EIF4G3: variants seen among roughly 807,000 people sequenced by gnomAD.
EIF4G3 encodes the protein eukaryotic translation initiation factor 4 gamma 3, also known as eIF-4-gamma 3.
EIF4G3 carries 34 observed loss-of-function variants against 186.4 expected under a neutral mutation model. That is an observed-to-expected ratio of 0.18 (90% confidence interval 0.14 to 0.24). EIF4G3 has a LOEUF of 0.24. Among genes scored for constraint, EIF4G3 ranks in the 10% least tolerant of loss-of-function variants. The pLI, the probability that EIF4G3 is intolerant of heterozygous loss-of-function variation, is 1.00. For missense variants in EIF4G3, 1,536 were observed against 1,948.5 expected (o/e 0.79, Z 3.99); for synonymous variants, 673 against 679.5 (o/e 0.99, Z 0.15).
chr1:20,913,686 CTTG>C (rs1199905513), intron 14 of EIF4G3, among the ~76,000 whole-genome samples: 3 of 149,812 alleles, frequency 2.0e-5, no homozygotes, highest in Admixed American at 1.3e-4. Context: ...TCCCTGTTTT[CTTG>C]TTATTTGTTA....
intron 4 of EIF4G3, among the ~76,000 whole-genome samples, chr1:21,035,445 C>G (rs2093108316): frequency 6.6e-6 from 1 of 152,186 alleles, no homozygotes; most frequent in Non-Finnish European, 1.5e-5. Flanking sequence ...CTGGGAGAGC[C>G]CCTGTCACCA....
At chr1:21,097,248 G>A (rs1229337658) in intron 2 of EIF4G3, among the ~76,000 whole-genome samples, 1 of 151,974 alleles carries the variant, frequency 6.6e-6, no homozygotes, top group Admixed American at 6.6e-5. Context: ...TCTTTTCATC[G>A]AAAAAAGGTG....
At chr1:20,984,532 C>T (rs185533322) in intron 7 of EIF4G3, among the ~76,000 whole-genome samples, 1 of 150,598 alleles carries the variant, frequency 6.6e-6, no homozygotes, top group East Asian at 2.0e-4. Flanking sequence ...TTGTAAAGCA[C>T]CAACCTAAGC....
intron 7 of EIF4G3, among the ~76,000 whole-genome samples, chr1:20,993,799 A>C (rs2154568147): frequency 6.6e-6 from 1 of 152,336 alleles, no homozygotes; most frequent in African/African-American, 2.4e-5. Context: ...TGTAAAACCC[A>C]AAATATCCCA....
At chr1:20,996,805 A>G (rs1259554599) in intron 7 of EIF4G3, among the ~76,000 whole-genome samples, 1 of 152,202 alleles carries the variant, frequency 6.6e-6, no homozygotes, top group African/African-American at 2.4e-5. Flanking sequence ...AGCTGGTTAC[A>G]TAGTAAAGCT....
intron 2 of EIF4G3, among the ~76,000 whole-genome samples, chr1:21,173,834 C>A (rs1370530702): frequency 6.6e-6 from 1 of 152,180 alleles, no homozygotes; most frequent in Admixed American, 6.5e-5. Flanking sequence ...TAAATGTTAT[C>A]CACTTATTGA....
At chr1:20,833,593 T>C (rs2065911736) in intron 30 of EIF4G3, among the ~76,000 whole-genome samples, 1 of 152,216 alleles carries the variant, frequency 6.6e-6, no homozygotes, top group South Asian at 2.1e-4. Context: ...CTGAATACCC[T>C]TTATTTCCTT....
chr1:21,003,625 G>A, intron 4 of EIF4G3: 1 of 336,046 alleles, frequency 3.0e-6, no homozygotes, highest in Non-Finnish European at 5.8e-6. Flanking sequence ...AAGGTTGTCA[G>A]TACAATGAAA....
At chr1:21,007,538 C>CAAAAAAAAAAAAAAAAAAAA (rs1471121881) in intron 4 of EIF4G3, among the ~76,000 whole-genome samples, 27 of 58,518 alleles carry the variant, frequency 4.6e-4, no homozygotes, top group East Asian at 1.2e-3. Context: ...AAAAAAAAAA[C>CAAAAAAAAAAAAAAAAAAAA]ACACTCAAAA....
intron 34 of EIF4G3, among the ~76,000 whole-genome samples, chr1:20,815,528 G>C (rs1255864882): frequency 1.3e-5 from 2 of 151,872 alleles, no homozygotes; most frequent in African/African-American, 4.8e-5. Flanking sequence ...TGAGAAGTGA[G>C]GAAACCCTCT....
chr1:20,868,713 T>G (rs1391181177), intron 20 of EIF4G3, among the ~76,000 whole-genome samples: 1 of 152,338 alleles, frequency 6.6e-6, no homozygotes, highest in East Asian at 1.9e-4. Flanking sequence ...AAAATGTGTG[T>G]GTTTAAATGG....
chr1:20,875,960 G>A (rs186011553), intron 20 of EIF4G3, among the ~76,000 whole-genome samples: 143 of 152,024 alleles, frequency 9.4e-4, no homozygotes, highest in African/African-American at 3.3e-3. Flanking sequence ...GGTGGCTCAC[G>A]TCTATGGTGC....
rs1309160225 is a variant in EIF4G3, at chr1:21,069,054, C to T, written c.-195-18060G>A. Among the ~76,000 whole-genome samples, 3 of 152,244 alleles carry T rather than the reference C, an allele frequency of 2.0e-5. No individual in the cohort carries two copies. The East Asian group carries it at 5.8e-4, about 29-fold the overall frequency. On this transcript the variant is annotated intron_variant, in intron 3 of 36. Coordinates refer to ENST00000602326, the MANE Select transcript of EIF4G3 (RefSeq NM_001391906.1). ...TTCTGTTGAGTTTTTCACCAGTTAA[C>T]TCCTCTGCCTAGGTTTGGTCAATTT... is the stretch of plus-strand genomic sequence containing the variant.
At chr1:20,916,482 G>A (rs1472743088) in intron 14 of EIF4G3, among the ~76,000 whole-genome samples, 1 of 151,246 alleles carries the variant, frequency 6.6e-6, no homozygotes, top group Non-Finnish European at 1.5e-5. Context: ...AAAAACAAAA[G>A]CAAAATATAC....
chr1:21,040,301 C>A (rs2154574996), intron 4 of EIF4G3, among the ~76,000 whole-genome samples: 1 of 152,330 alleles, frequency 6.6e-6, no homozygotes, highest in African/African-American at 2.4e-5. Flanking sequence ...CGTAACCAAA[C>A]ACATGGAAGT....
intron 19 of EIF4G3, among the ~76,000 whole-genome samples, chr1:20,882,077 C>A (rs899572682): frequency 6.6e-6 from 1 of 151,958 alleles, no homozygotes; most frequent in East Asian, 2.0e-4. Flanking sequence ...GCAGGAAGAT[C>A]GCTTGAGCCT....
intron 6 of EIF4G3, among the ~76,000 whole-genome samples, chr1:21,000,196 T>C (rs1275715113): frequency 6.6e-6 from 1 of 151,322 alleles, no homozygotes; most frequent in African/African-American, 2.4e-5. Flanking sequence ...AGATAGCTTA[T>C]CAGTGTTGTT....
chr1:20,829,423 C>T (rs2064515176), intron 30 of EIF4G3, 151 bp from the exon 31 acceptor site: 1 of 856,992 alleles, frequency 1.2e-6, no homozygotes. Flanking sequence ...AATACATTAC[C>T]ATTCTCAAAG....
chr1:21,144,817 C>T (rs1024805625), intron 2 of EIF4G3, among the ~76,000 whole-genome samples: 1 of 152,120 alleles, frequency 6.6e-6, no homozygotes, highest in Non-Finnish European at 1.5e-5. Context: ...TTTCTACCTC[C>T]TAATCCTTGA....
Sources: gnomAD v4.1 joint callset for allele counts (sites outside exome capture counted in the v4.1 genomes callset) on GRCh38, gnomAD v4.1.1 for gene constraint, MANE v1.5 for transcripts, NCBI Gene and HGNC (gene_info 2026-07-23, HGNC 2026-07-21) for gene names.